The following OXCT1 variants were observed in gnomAD, a reference collection of about 807,000 sequenced individuals.
The protein encoded by OXCT1 is 3-oxoacid CoA-transferase 1.
A neutral mutation model predicts 69.6 loss-of-function variants in OXCT1; 27 were observed. The observed-to-expected ratio is 0.39, with a 90% CI of 0.29 to 0.54. OXCT1 has a LOEUF of 0.54. Ranked by LOEUF, OXCT1 falls within the 20% of genes least tolerant of loss-of-function variation. The probability of loss-of-function intolerance (pLI) is 0.72; values close to 1 mark genes in which losing one functional copy is unlikely to be tolerated. For missense variants in OXCT1, 437 were observed against 650.2 expected, an observed-to-expected ratio of 0.67 and a Z score of 3.57; for synonymous variants, 202 against 217.8, an observed-to-expected ratio of 0.93 and a Z score of 0.64.
In OXCT1 at chr5:41,825,874, A is replaced by G. The variant is rs1351363441; in HGVS notation, c.732+14577T>C. Among the ~76,000 whole-genome samples, 4 of 152,236 alleles carry G rather than the reference A, an allele frequency of 2.6e-5. No individual in the cohort carries two copies. The East Asian group carries it at 7.7e-4, about 29-fold the overall frequency. On this transcript the variant is annotated intron_variant, in intron 7 of 16. Coordinates refer to ENST00000196371, the MANE Select transcript of OXCT1 (RefSeq NM_000436.4). ...ACTTTTCTTTCTTAAAGAATAAAAA[A>G]GTCACAGTGGTTATTCAGCACAAGC...
intron 13 of OXCT1, among the ~76,000 whole-genome samples, chr5:41,777,959 T>C (rs1745206849): frequency 6.6e-6 from 1 of 152,336 alleles, no homozygotes; most frequent in Middle Eastern, 3.4e-3. Context: ...TGTGGATTAA[T>C]TTTTCAGGGT....
At chr5:41,841,927 A>G (rs1377916593) in intron 6 of OXCT1, among the ~76,000 whole-genome samples, 2 of 152,188 alleles carry the variant, frequency 1.3e-5, no homozygotes, top group Admixed American at 6.5e-5. Context: ...TGCATTTGCT[A>G]AAGATTTAAA....
chr5:41,787,537 GGAA>G (rs1745698293), intron 13 of OXCT1, among the ~76,000 whole-genome samples: 4 of 149,298 alleles, frequency 2.7e-5, no homozygotes, highest in Admixed American at 6.8e-5. Flanking sequence ...GATTTGCAGA[GGAA>G]GAAGGTCTCA....
intron 14 of OXCT1, among the ~76,000 whole-genome samples, chr5:41,755,166 C>A (rs966620397): frequency 1.3e-5 from 2 of 151,920 alleles, no homozygotes; most frequent in African/African-American, 4.8e-5. Flanking sequence ...AATGTGGAGA[C>A]TTGTGCACAT....
intron 13 of OXCT1, among the ~76,000 whole-genome samples, chr5:41,773,367 G>A (rs1313280014): frequency 6.7e-6 from 1 of 149,014 alleles, no homozygotes; most frequent in African/African-American, 2.5e-5. Flanking sequence ...TGAAGCCCAG[G>A]AGTTCAAGAC....
At chr5:41,810,375 G>C (rs1020086959) in intron 7 of OXCT1, among the ~76,000 whole-genome samples, 4 of 152,038 alleles carry the variant, frequency 2.6e-5, no homozygotes, top group African/African-American at 9.7e-5. Context: ...AAGGACAAAG[G>C]AAAAGCCTCA....
chr5:41,840,646 AT>A, intron 6 of OXCT1, 135 bp from the exon 7 acceptor site: 1 of 598,750 alleles, frequency 1.7e-6, no homozygotes, highest in South Asian at 2.5e-5. Flanking sequence ...AGTGTATCAT[AT>A]TTTCCATTAA....
At position 41,733,492 on chromosome 5, in the gene OXCT1, C is replaced by T. The variant is rs141189052; in HGVS notation, c.1522-1722G>A. ...GAACTCCCGACCTCAGGTGATCCAC[C>T]TGCCTCAGCCTCCCAAAGTGCTGGG... On this transcript the variant is annotated intron_variant, in intron 16 of 16. Coordinates refer to ENST00000196371, the MANE Select transcript of OXCT1 (RefSeq NM_000436.4). Among the ~76,000 whole-genome samples, 1,056 of 152,284 alleles carry T rather than the reference C, an allele frequency of 6.9e-3. 10 individuals are homozygous for T. Among genetic ancestry groups the T allele is most frequent in the African/African-American group, 0.024 (1,005 of 41,546 alleles).
At chr5:41,741,744 G>T (rs1743180322) in intron 15 of OXCT1, among the ~76,000 whole-genome samples, 1 of 152,138 alleles carries the variant, frequency 6.6e-6, no homozygotes, top group Non-Finnish European at 1.5e-5. Flanking sequence ...TGGAAAAGAG[G>T]GTTGAAATGT....
chr5:41,832,956 T>C (rs1181619292), intron 7 of OXCT1, among the ~76,000 whole-genome samples: 1 of 151,804 alleles, frequency 6.6e-6, no homozygotes, highest in Non-Finnish European at 1.5e-5. Flanking sequence ...GAAAATACAG[T>C]CAGAGGAGAC....
At chr5:41,805,813 G>A (rs1408238630) in intron 8 of OXCT1, 132 bp from the exon 9 acceptor site, 1 of 684,140 alleles carries the variant, frequency 1.5e-6, no homozygotes, top group Admixed American at 2.2e-5. Flanking sequence ...CAATATACCA[G>A]ATATTTAAAA....
intron 15 of OXCT1, 67 bp from the exon 16 acceptor site, chr5:41,739,558 C>G: frequency 8.2e-7 from 1 of 1,217,650 alleles, no homozygotes; most frequent in Non-Finnish European, 1.2e-6. Context: ...TGGCACAAAA[C>G]AGAAATAACC....
chr5:41,808,965 C>T (rs184719799), intron 7 of OXCT1, among the ~76,000 whole-genome samples: 2 of 152,078 alleles, frequency 1.3e-5, no homozygotes, highest in East Asian at 1.9e-4. Context: ...ACACTAATCA[C>T]AAAATTTATT....
intron 11 of OXCT1, among the ~76,000 whole-genome samples, chr5:41,796,863 G>A (rs1489063085): frequency 6.6e-6 from 1 of 152,074 alleles, no homozygotes; most frequent in African/African-American, 2.4e-5. Flanking sequence ...TGCCATTTTT[G>A]TTATTCCTCT....
At chr5:41,841,945 A>C (rs1748644772) in intron 6 of OXCT1, among the ~76,000 whole-genome samples, 1 of 152,210 alleles carries the variant, frequency 6.6e-6, no homozygotes, top group Non-Finnish European at 1.5e-5. Flanking sequence ...AAAAATTGTT[A>C]ATCGAAAGCA....
At chr5:41,855,636 A>G (rs1486546455) in intron 3 of OXCT1, among the ~76,000 whole-genome samples, 1 of 152,184 alleles carries the variant, frequency 6.6e-6, no homozygotes, top group African/African-American at 2.4e-5. Flanking sequence ...TAATTCATCT[A>G]AAACTCCCTT....
intron 4 of OXCT1, among the ~76,000 whole-genome samples, chr5:41,851,509 T>C (rs1319718068): frequency 6.6e-6 from 1 of 152,140 alleles, no homozygotes; most frequent in Non-Finnish European, 1.5e-5. Flanking sequence ...GGTAAGGGCC[T>C]GAAAGTGGAC....
At chr5:41,767,722 G>GTGTCTATATATATA in intron 13 of OXCT1, among the ~76,000 whole-genome samples, 1 of 89,956 alleles carries the variant, frequency 1.1e-5, no homozygotes, top group South Asian at 3.9e-4. Flanking sequence ...ATATGTGTGT[G>GTGTCTATATATATA]TATATATATA....
intron 4 of OXCT1, among the ~76,000 whole-genome samples, chr5:41,851,051 C>T (rs1749150975): frequency 6.6e-6 from 1 of 152,116 alleles, no homozygotes; most frequent in South Asian, 2.1e-4. Flanking sequence ...CCTGTAAATC[C>T]CAGTGCTTTG....
Sources: allele counts gnomAD v4.1 joint callset (sites outside exome capture counted in the v4.1 genomes callset), GRCh38; gene constraint gnomAD v4.1.1; transcripts MANE v1.5; gene names NCBI Gene and HGNC (gene_info 2026-07-23, HGNC 2026-07-21).